RFX7: variants seen among roughly 807,000 people sequenced by gnomAD.
The protein encoded by RFX7 is regulatory factor X7, also known as DNA-binding protein RFX7.
Under a neutral mutation model 111.8 loss-of-function variants are expected in RFX7, and 26 were observed. The observed-to-expected ratio is 0.23, with a 90% CI of 0.17 to 0.32. RFX7 has a LOEUF of 0.32. RFX7 is among the 10% of genes least tolerant of loss of function. The pLI is 1.00. For synonymous variants in RFX7, 624 were observed against 624.4 expected (o/e 1.00, Z 0.01); for missense variants, 1,573 against 1,772.9 (o/e 0.89, Z 2.02).
At position 56,243,603 on chromosome 15, in the gene RFX7, C is replaced by G. The variant is rs1596035734; in HGVS notation, c.-161G>C. 1 of 429,718 alleles carries G rather than the reference C, an allele frequency of 2.3e-6. No homozygotes were observed. The highest frequency in any genetic ancestry group is 2.9e-6 in the Non-Finnish European group (1 of 342,316). The allele number at this position is 429,718 out of a possible 1,614,324, so 26.6% of individuals were successfully genotyped here. A position where few individuals can be genotyped will look rare whatever the true frequency, so the allele number is the denominator to read the frequency against. On this transcript the variant is annotated 5_prime_UTR_variant, in exon 1 of 10. Coordinates refer to ENST00000559447, the MANE Select transcript of RFX7 (RefSeq NM_022841.7). ...CGCCTCCTCCCGTCAGCGGCCGGGG[C>G]TGTGGGGGGGTGAGATGGGGGCGTT...
At position 56,243,847 on chromosome 15, in the gene RFX7, G is replaced by A. The variant is rs2043762104; in HGVS notation, c.-405C>T. 6.8e-6 allele frequency among the ~76,000 whole-genome samples: 1 copy of A among 147,248 alleles called. No individual in the cohort carries two copies. The highest frequency in any genetic ancestry group is 2.4e-5 in the African/African-American group (1 of 40,872). On this transcript the variant is annotated 5_prime_UTR_variant, in exon 1 of 10. Transcript: ENST00000559447. ...CCGCCGCCGCGGCCGCCGCTGCCCT[G>A]CCAGCCCCGGAGGCAGCCCAGTGCG...
intron 3 of RFX7, among the ~76,000 whole-genome samples, chr15:56,145,843 G>A (rs561991026): frequency 8.5e-5 from 13 of 152,096 alleles, no homozygotes; most frequent in Admixed American, 2.0e-4. Context: ...AGGATAATTC[G>A]TTTGCTTATG....
intron 2 of RFX7, among the ~76,000 whole-genome samples, chr15:56,203,094 C>T (rs1463262467): frequency 6.6e-6 from 1 of 152,086 alleles, no homozygotes; most frequent in Non-Finnish European, 1.5e-5. Context: ...ATCACAGGCA[C>T]AGATCATAAG....
At chr15:56,238,897 GATCTC>G (rs1190461557) in intron 2 of RFX7, among the ~76,000 whole-genome samples, 1 of 152,084 alleles carries the variant, frequency 6.6e-6, no homozygotes, top group East Asian at 1.9e-4. Context: ...GCAGTGGCAT[GATCTC>G]GGCTCACTGC....
At chr15:56,240,213 TCTC>T (rs2043673507) in intron 2 of RFX7, among the ~76,000 whole-genome samples, 1 of 151,858 alleles carries the variant, frequency 6.6e-6, no homozygotes, top group African/African-American at 2.4e-5. Context: ...TACTAAGAAA[TCTC>T]CTTTCTAGTG....
chr15:56,179,654 T>C (rs1407683135), intron 2 of RFX7, among the ~76,000 whole-genome samples: 2 of 152,082 alleles, frequency 1.3e-5, no homozygotes, highest in Non-Finnish European at 2.9e-5. Context: ...TGCCTGCCAC[T>C]CTGGACAATA....
At chr15:56,098,991 A>G (rs1360683806) in intron 8 of RFX7, among the ~76,000 whole-genome samples, 1 of 152,246 alleles carries the variant, frequency 6.6e-6, no homozygotes, top group East Asian at 1.9e-4. Flanking sequence ...TCTTAACAAG[A>G]CTAAAGTTAA....
rs1404097249 is a variant in RFX7 at position 56,088,158 on chromosome 15, A to G, written c.*5187T>C. On this transcript the variant is annotated 3_prime_UTR_variant, in exon 10 of 10. Transcript: ENST00000559447. ...AACTCAATTCTAAATTTAAAACCAGAATGAAAATTTCAAAGAAGCAACCAG... is the reference window on the plus strand; with the variant it reads ...AACTCAATTCTAAATTTAAAACCAGGATGAAAATTTCAAAGAAGCAACCAG... 1 of 197,286 alleles carries G rather than the reference A, an allele frequency of 5.1e-6. No homozygotes were observed. The highest frequency in any genetic ancestry group is 2.4e-5 in the African/African-American group (1 of 41,954). The allele number at this position is 197,286 out of a possible 1,614,324, so 12.2% of individuals were successfully genotyped here. A position where few individuals can be genotyped will look rare whatever the true frequency, so the allele number is the denominator to read the frequency against.
At chr15:56,228,390 T>C (rs767269332) in intron 2 of RFX7, among the ~76,000 whole-genome samples, 1 of 152,174 alleles carries the variant, frequency 6.6e-6, no homozygotes, top group Non-Finnish European at 1.5e-5. Flanking sequence ...AATTGAACTA[T>C]GTAAATGAAC....
chr15:56,131,836 G>C (rs2042222712), intron 5 of RFX7, among the ~76,000 whole-genome samples: 1 of 151,702 alleles, frequency 6.6e-6, no homozygotes, highest in Non-Finnish European at 1.5e-5. Context: ...AGATTCACAG[G>C]ATAAACTATC....
At chr15:56,159,037 C>T (rs1254589393) in intron 3 of RFX7, among the ~76,000 whole-genome samples, 15 of 152,142 alleles carry the variant, frequency 9.9e-5, no homozygotes, top group Non-Finnish European at 1.5e-5. Flanking sequence ...TCATTTTACT[C>T]TCTATGTATG....
intron 5 of RFX7, among the ~76,000 whole-genome samples, chr15:56,114,107 G>C (rs1234551227): frequency 6.6e-6 from 1 of 152,088 alleles, no homozygotes; most frequent in African/African-American, 2.4e-5. Context: ...TAACCATAAA[G>C]AAATTGGTCT....
intron 3 of RFX7, among the ~76,000 whole-genome samples, chr15:56,150,220 C>T (rs543570446): frequency 4.6e-5 from 7 of 152,270 alleles, no homozygotes; most frequent in African/African-American, 1.2e-4. Context: ...GGCAGCAGCC[C>T]CAGTCAGTGG....
At chr15:56,210,176 A>G (rs60398723) in intron 2 of RFX7, among the ~76,000 whole-genome samples, 5,516 of 152,162 alleles carry the variant, frequency 0.036, 358 homozygotes, top group African/African-American at 0.12. Flanking sequence ...AGAAAGTAGG[A>G]GTTAACATAT....
chr15:56,157,617 C>T (rs553518306), intron 3 of RFX7, among the ~76,000 whole-genome samples: 16 of 152,324 alleles, frequency 1.1e-4, no homozygotes, highest in Admixed American at 6.5e-4. Flanking sequence ...GTCTTGCTCT[C>T]TTGCCCAGGC....
At chr15:56,179,870 A>G (rs1231551047) in intron 2 of RFX7, among the ~76,000 whole-genome samples, 2 of 152,068 alleles carry the variant, frequency 1.3e-5, no homozygotes, top group African/African-American at 2.4e-5. Flanking sequence ...TAATATAGTA[A>G]TAAATTGGGA....
At chr15:56,164,281 GC>G (rs1484829183) in intron 3 of RFX7, among the ~76,000 whole-genome samples, 1 of 152,158 alleles carries the variant, frequency 6.6e-6, no homozygotes, top group Non-Finnish European at 1.5e-5. Context: ...CTCAAGTTTA[GC>G]CCTTCTGGTC....
Position 56,094,687 on chromosome 15 carries a change from G to A in RFX7, c.3041C>T (p.Pro1014Leu). 1 of 1,613,970 alleles carries A rather than the reference G, an allele frequency of 6.2e-7. No individual in the cohort carries two copies. Among genetic ancestry groups the A allele is most frequent in the Non-Finnish European group, 8.5e-7 (1 of 1,179,884 alleles). Reference protein sequence around the residue: ...TPHSNCSSSVPPSPVECRNPF... With the variant: ...TPHSNCSSSVLPSPVECRNPF... ...ATTCCTGCATTCAACAGGGCTGGGG[G>A]GGACACTACTGCTGCAGTTAGAATG... The change falls in exon 10 of 10, where the codon CCC becomes CTC. Residue 1014 changes from proline to leucine, a missense_variant. Physicochemically the swap from Pro to Leu is moderately conservative, Grantham distance 98. This residue lies in a region of RFX7 where 625 missense variants were observed against 632.2 expected (regional missense o/e 0.99). Coordinates refer to ENST00000559447, the MANE Select transcript of RFX7 (RefSeq NM_022841.7).
chr15:56,147,709 G>GACT (rs1309605354), intron 3 of RFX7, among the ~76,000 whole-genome samples: 1 of 152,194 alleles, frequency 6.6e-6, no homozygotes, highest in African/African-American at 2.4e-5. Flanking sequence ...GAGCAGCTGG[G>GACT]ACTACTGGCA....
Sources: gnomAD v4.1 joint callset for allele counts (sites outside exome capture counted in the v4.1 genomes callset) on GRCh38, gnomAD v4.1.1 for gene constraint, gnomAD v4.1.1 regional missense constraint, MANE v1.5 for transcripts, NCBI Gene and HGNC (gene_info 2026-07-23, HGNC 2026-07-21) for gene names.